The following SARM1 variants were observed in gnomAD, a reference collection of about 807,000 sequenced individuals.
SARM1 encodes the protein NAD(+) hydrolase SARM1.
Under a neutral mutation model 65.1 loss-of-function variants are expected in SARM1, and 60 were observed. The ratio of observed to expected loss-of-function variants is 0.92; its 90% CI spans 0.75 to 1.14. The LOEUF is 1.14. Ranked by LOEUF, SARM1 falls within the 50% of genes most tolerant of loss-of-function variation. The pLI is 0.00. For missense variants in SARM1, 913 were observed against 1,015.7 expected (o/e 0.90, Z 1.37); for synonymous variants, 417 against 465.4 (o/e 0.90, Z 1.34).
Position 28,384,636 on chromosome 17 carries a change from C to T in SARM1, c.1302+67C>T. 7.0e-7 allele frequency: 1 copy of T among 1,431,544 alleles called. No individual in the cohort carries two copies. Among genetic ancestry groups the T allele is most frequent in the Non-Finnish European group, 9.4e-7 (1 of 1,061,380 alleles). 88.7% of individuals were successfully genotyped at this position (1,431,544 alleles called of 1,614,324 possible). On this transcript the variant is annotated intron_variant, in intron 3 of 8. Coordinates refer to ENST00000585482, the MANE Select transcript of SARM1 (RefSeq NM_015077.4). The surrounding 1 kb of genome is among the most constrained non-coding windows in gnomAD (Gnocchi z 4.4). ...CGCCCTGTGCACAGGGACTGCGTTC[C>T]CTCCCCGCCTCGCAATCCCGCGGCG...
chr17:28,378,355 G>T (rs1374665878), intron 1 of SARM1, among the ~76,000 whole-genome samples: 3 of 152,170 alleles, frequency 2.0e-5, no homozygotes, highest in Non-Finnish European at 2.9e-5. Flanking sequence ...CCAACTCTTT[G>T]CATATACCTG....
chr17:28,395,927 G>T lies in SARM1; in HGVS notation c.1946G>T (p.Cys649Phe), dbSNP rs2068116044. Reference protein sequence around the residue: ...VHKEIVTALSCGKNIVPIIDG... With the variant: ...VHKEIVTALSFGKNIVPIIDG... ...CAGGAGATTGTGACTGCTTTAAGCT[G>T]CGGCAAGAACATTGTGCCCATCATT... The change falls in exon 8 of 9, where the codon TGC (cysteine) becomes TTC (phenylalanine). Residue 649 changes from cysteine to phenylalanine, a missense_variant. Physicochemically the swap from Cys to Phe is radical, Grantham distance 205 (BLOSUM62 -2). This residue lies in a region of SARM1 where 862 missense variants were observed against 952.1 expected (regional missense o/e 0.91). Coordinates refer to ENST00000585482, the MANE Select transcript of SARM1 (RefSeq NM_015077.4). 1.2e-6 allele frequency: 2 copies of T among 1,613,778 alleles called. No homozygotes were observed.
In SARM1 at chr17:28,381,344, G is replaced by A. The variant is rs1555585197; in HGVS notation, c.612G>A (p.Ala204=). Residue 204 remains alanine, a synonymous_variant, in exon 2 of 9, where the codon GCG becomes GCA. Coordinates refer to ENST00000585482, the MANE Select transcript of SARM1 (RefSeq NM_015077.4). ...HSEETCQRLV[A]AGGLDAVLYW... is the part of the protein sequence containing the mutation. ...AGGAGACATGCCAGAGGCTGGTGGC[G>A]GCCGGCGGCCTGGACGCGGTGCTGT... 1 of 1,586,710 alleles carries A rather than the reference G, an allele frequency of 6.3e-7. No homozygotes were observed. Among genetic ancestry groups the A allele is most frequent in the Non-Finnish European group, 8.6e-7 (1 of 1,167,786 alleles).
intron 2 of SARM1, among the ~76,000 whole-genome samples, chr17:28,382,192 G>A (rs782431179): frequency 6.6e-6 from 1 of 152,144 alleles, no homozygotes; most frequent in Non-Finnish European, 1.5e-5. Context: ...CAGTGGCAGA[G>A]AGCAGATTCA....
Position 28,374,995 on chromosome 17 carries a change from A to AC in SARM1, c.470+2494dup, listed in dbSNP as rs1567804683. On this transcript the variant is annotated intron_variant, in intron 1 of 8. Coordinates refer to ENST00000585482, the MANE Select transcript of SARM1 (RefSeq NM_015077.4). Reference sequence around the variant, plus strand: ...CAAAAAAAAAAAAAAAAAAAAAAAAACAATTCCATCAGTGTGCCTACCCCT... The same window carrying AC: ...CAAAAAAAAAAAAAAAAAAAAAAAAACCAATTCCATCAGTGTGCCTACCCCT... Among the ~76,000 whole-genome samples, 16 of 141,672 alleles carry AC rather than the reference A, an allele frequency of 1.1e-4. 3 individuals are homozygous for AC. The highest frequency in any genetic ancestry group is 9.2e-5 in the Non-Finnish European group (6 of 65,528). 92.9% of individuals were successfully genotyped at this position (141,672 alleles called of 152,430 possible). A position where few individuals can be genotyped will look rare whatever the true frequency, so the allele number is the denominator to read the frequency against.
intron 2 of SARM1, among the ~76,000 whole-genome samples, chr17:28,383,816 G>A (rs1555585580): frequency 6.6e-6 from 1 of 152,212 alleles, no homozygotes; most frequent in African/African-American, 2.4e-5. Flanking sequence ...AGGATGTGGG[G>A]GAATCAAAGC....
chr17:28,384,247 A>T lies in SARM1; in HGVS notation c.1090-110A>T. On this transcript the variant is annotated intron_variant, in intron 2 of 8. Coordinates refer to ENST00000585482, the MANE Select transcript of SARM1 (RefSeq NM_015077.4). This position sits in a 1 kb window ranked among gnomAD's most constrained non-coding sequence, Gnocchi z 4.4. The stretch of plus-strand genomic sequence containing the variant: ...TAGTGGCTGAAGGTGGGGCCAGGGC[A>T]GATGGAGAGACTTTGGGTTGTGAGA... 2.3e-6 allele frequency: 2 copies of T among 854,454 alleles called. No homozygotes were observed. Among genetic ancestry groups the T allele is most frequent in the East Asian group, 2.7e-5 (1 of 36,716 alleles). The allele number at this position is 854,454 out of a possible 1,614,324, so 52.9% of individuals were successfully genotyped here. A position where few individuals can be genotyped will look rare whatever the true frequency, so the allele number is the denominator to read the frequency against.
chr17:28,391,990 G>T (rs1160967494), intron 7 of SARM1, among the ~76,000 whole-genome samples: 3 of 151,266 alleles, frequency 2.0e-5, no homozygotes, highest in African/African-American at 7.3e-5. Flanking sequence ...GCTCCCCAAA[G>T]TTCTGGGATT....
In SARM1 at chr17:28,401,426, C is replaced by T. The variant is rs1193004404; in HGVS notation, c.*5140C>T. ...GAAGACACATGGATTCTGGGGACAC[C>T]AGAACCCACAGTGGGCTCTGTATGG... is the stretch of plus-strand genomic sequence containing the variant. On this transcript the variant is annotated 3_prime_UTR_variant, in exon 9 of 9. Coordinates refer to ENST00000585482, the MANE Select transcript of SARM1 (RefSeq NM_015077.4). 1 of 155,750 alleles carries T rather than the reference C, an allele frequency of 6.4e-6. No homozygotes were observed. The highest frequency in any genetic ancestry group is 1.4e-5 in the Non-Finnish European group (1 of 70,208). The allele number at this position is 155,750 out of a possible 1,614,324, so 9.6% of individuals were successfully genotyped here.
At position 28,381,269 on chromosome 17, in the gene SARM1, G is replaced by A; in HGVS notation, c.537G>A (p.Glu179=). 1 of 1,610,074 alleles carries A rather than the reference G, an allele frequency of 6.2e-7. No homozygotes were observed. Among genetic ancestry groups the A allele is most frequent in the Non-Finnish European group, 8.5e-7 (1 of 1,178,380 alleles). ...TGGCGAAGGAACGCGAACCCGTAGAGCTGGCGCGGAGCGTGGCAGGCATCT... is the reference window on the plus strand; with the variant it reads ...TGGCGAAGGAACGCGAACCCGTAGAACTGGCGCGGAGCGTGGCAGGCATCT... The part of the protein sequence containing the change: ...LNLAKEREPV[E]LARSVAGILE... The change falls in exon 2 of 9, where the codon GAG becomes GAA. Residue 179 remains glutamate, a synonymous_variant. Coordinates refer to ENST00000585482, the MANE Select transcript of SARM1 (RefSeq NM_015077.4).
In SARM1 at chr17:28,372,050, T is replaced by C. The variant is rs2142419958; in HGVS notation, c.18T>C (p.Leu6=). The change falls in exon 1 of 9, where the codon CTT becomes CTC. Residue 6 remains leucine (L), a synonymous_variant. Coordinates refer to ENST00000585482, the MANE Select transcript of SARM1 (RefSeq NM_015077.4). The surrounding 1 kb of genome is among the most constrained non-coding windows in gnomAD (Gnocchi z 5.2). The part of the protein sequence containing the change: MVLTL[L]LSAYKLCRFF... ...CCGCGCCCATGGTCCTGACGCTGCT[T>C]CTCTCCGCCTACAAGCTGTGTCGCT... 6.6e-7 allele frequency: 1 copy of C among 1,505,392 alleles called. No homozygotes were observed. Among genetic ancestry groups the C allele is most frequent in the East Asian group, 2.8e-5 (1 of 35,762 alleles). 93.3% of individuals were successfully genotyped at this position (1,505,392 alleles called of 1,614,324 possible). A position where few individuals can be genotyped will look rare whatever the true frequency, so the allele number is the denominator to read the frequency against.
chr17:28,383,866 T>G (rs886142913), intron 2 of SARM1, among the ~76,000 whole-genome samples: 7 of 152,110 alleles, frequency 4.6e-5, no homozygotes, highest in Non-Finnish European at 7.4e-5. Context: ...TGGATTCTGG[T>G]GGATGAGTAG....
At position 28,381,533 on chromosome 17, in the gene SARM1, G is replaced by T; in HGVS notation, c.801G>T (p.Arg267=). The T allele has an allele frequency of 6.3e-7, 1 of 1,577,638 alleles. No individual in the cohort carries two copies. Among genetic ancestry groups the T allele is most frequent in the Non-Finnish European group, 8.6e-7 (1 of 1,163,092 alleles). Residue 267 remains arginine, a synonymous_variant, in exon 2 of 9, where the codon CGG becomes CGT. Coordinates refer to ENST00000585482, the MANE Select transcript of SARM1 (RefSeq NM_015077.4). ...TCTCCAAGGAGGACGAGCTGCTTCGGCTGCACGCCTGCCTCGCAGTAGCGG... is the reference window on the plus strand; with the variant it reads ...TCTCCAAGGAGGACGAGCTGCTTCGTCTGCACGCCTGCCTCGCAGTAGCGG... The part of the protein sequence containing the change: ...LAFSKEDELL[R]LHACLAVAVL...
intron 1 of SARM1, 63 bp from the exon 2 acceptor site, chr17:28,381,140 C>A: frequency 1.3e-6 from 2 of 1,516,518 alleles, no homozygotes; most frequent in Non-Finnish European, 1.8e-6. Context: ...AGGCCCCAAA[C>A]GGGCAAGCCA....
intron 7 of SARM1, among the ~76,000 whole-genome samples, chr17:28,388,793 TAG>T (rs2068066519): frequency 6.9e-6 from 1 of 145,142 alleles, no homozygotes; most frequent in Non-Finnish European, 1.5e-5. Context: ...GTTTTTGAGG[TAG>T]AGTCTCGCTC....
In SARM1 at chr17:28,381,340, T is replaced by A. The variant is rs140424050; in HGVS notation, c.608T>A (p.Val203Glu). ...KHSEETCQRL[V>E]AAGGLDAVLY... ...TCGGAGGAGACATGCCAGAGGCTGG[T>A]GGCGGCCGGCGGCCTGGACGCGGTG... The change falls in exon 2 of 9, where the codon GTG (valine) becomes GAG (glutamate). Residue 203 changes from valine to glutamate, a missense_variant. Val to Glu is a moderately radical substitution (Grantham distance 121). Coordinates refer to ENST00000585482, the MANE Select transcript of SARM1 (RefSeq NM_015077.4). 1.0e-4 allele frequency: 162 copies of A among 1,588,936 alleles called. 2 individuals are homozygous for A. The African/African-American group carries it at 2.0e-3, about 19-fold the overall frequency.
chr17:28,383,324 G>C (rs2068033381), intron 2 of SARM1, among the ~76,000 whole-genome samples: 1 of 152,114 alleles, frequency 6.6e-6, no homozygotes, highest in South Asian at 2.1e-4. Context: ...CAGTGAGCTG[G>C]AATCGCACCA....
At chr17:28,394,434 G>C (rs896335711) in intron 7 of SARM1, among the ~76,000 whole-genome samples, 16 of 152,236 alleles carry the variant, frequency 1.1e-4, no homozygotes, top group African/African-American at 3.9e-4. Context: ...ACACCAAATT[G>C]TTTGGGGTTT....
intron 7 of SARM1, among the ~76,000 whole-genome samples, chr17:28,394,063 G>A (rs2068095001): frequency 6.6e-6 from 1 of 152,232 alleles, no homozygotes; most frequent in Non-Finnish European, 1.5e-5. Context: ...GGTAGAGTTT[G>A]AGAAGTGGAC....
Sources: allele counts gnomAD v4.1 joint callset (sites outside exome capture counted in the v4.1 genomes callset), GRCh38; gene constraint gnomAD v4.1.1; regional missense constraint gnomAD v4.1.1; non-coding constraint Gnocchi (gnomAD v3.1); transcripts MANE v1.5; gene names NCBI Gene and HGNC (gene_info 2026-07-23, HGNC 2026-07-21).